The following SEPTIN4 variants were observed in gnomAD, a reference collection of about 807,000 sequenced individuals.
SEPTIN4 encodes septin-4.
In SEPTIN4, 52 loss-of-function variants were observed where a neutral mutation model predicts 107.1. That is an observed-to-expected ratio of 0.49 (90% CI 0.39 to 0.61). The LOEUF is 0.61. Ranked by LOEUF, SEPTIN4 falls within the 20% of genes least tolerant of loss-of-function variation. SEPTIN4 has a pLI of 0.00. For missense variants in SEPTIN4, 1,048 were observed against 1,243.5 expected (o/e 0.84, Z 2.36); for synonymous variants, 417 against 467.0 (o/e 0.89, Z 1.38).
rs1473766828 is a variant in SEPTIN4, at chr17:58,543,267, G to A, written c.920C>T (p.Pro307Leu). Residue 307 changes from proline (P) to leucine (L), a missense_variant, in exon 1 of 14, where the codon CCC becomes CTC. Transcript: ENST00000672673. ...TGATGATACTAAGACCTTTGCGGAG[G>A]GCTTGGTTTCAGGATAGGCAGAATA... ...HKYSAYPETK[P>L]SAKVLVSSQV... is the part of the protein sequence containing the mutation. The A allele has an allele frequency of 6.2e-7, 1 of 1,614,128 alleles. No individual in the cohort carries two copies. The highest frequency in any genetic ancestry group is 1.7e-5 in the Admixed American group (1 of 60,018).
At chr17:58,525,462 G>A (rs2042746204) in intron 6 of SEPTIN4, 1 of 609,976 alleles carries the variant, frequency 1.6e-6, no homozygotes, top group Admixed American at 3.0e-5. Context: ...GAATCCTTGG[G>A]GGTCAGAGAC....
Position 58,543,682 on chromosome 17 carries a change from G to T in SEPTIN4, c.505C>A (p.Gln169Lys), listed in dbSNP as rs1479957836. Residue 169 changes from glutamine to lysine, a missense_variant, in exon 1 of 14, where the codon CAA becomes AAA. Transcript: ENST00000672673. The stretch of plus-strand genomic sequence containing the variant: ...GGGTCATCTTCTAAGATTTGTGATT[G>T]TAAGTTATTCTTCTGGTCTTGAAAA... ...LSFQDQKNNL[Q>K]SQILEDDPPS... 1.9e-6 allele frequency: 3 copies of T among 1,614,204 alleles called. No homozygotes were observed. Among genetic ancestry groups the T allele is most frequent in the South Asian group, 2.2e-5 (2 of 91,086 alleles).
chr17:58,540,735 C>A (rs867655231), intron 2 of SEPTIN4, 62 bp from the exon 3 acceptor site: 2 of 1,301,988 alleles, frequency 1.5e-6, no homozygotes, highest in Admixed American at 4.1e-5. Flanking sequence ...TCAGAGAGTG[C>A]CAATAGGAGG....
Position 58,521,794 on chromosome 17 carries a change from G to A in SEPTIN4, c.2411C>T (p.Pro804Leu), listed in dbSNP as rs1426244275. ...KALHQRVNIV[P>L]ILAKADTLTP... ...CAGTGTGTCTGCCTTAGCCAGGATA[G>A]GCACGATGTTGACCCGCTGATGCAG... The change falls in exon 9 of 14, where the codon CCT becomes CTT. Residue 804 changes from proline to leucine, a missense_variant. Coordinates refer to ENST00000672673, the MANE Select transcript of SEPTIN4 (RefSeq NM_001368771.2). The surrounding 1 kb of genome is among the most constrained non-coding windows in gnomAD (Gnocchi z 6.4). The A allele has an allele frequency of 6.2e-7, 1 of 1,614,222 alleles. No homozygotes were observed. Among genetic ancestry groups the A allele is most frequent in the Admixed American group, 1.7e-5 (1 of 60,030 alleles).
intron 3 of SEPTIN4, chr17:58,529,533 T>C: frequency 1.5e-6 from 1 of 676,306 alleles, no homozygotes; most frequent in Middle Eastern, 7.5e-4. Context: ...CCAATGTCTG[T>C]TTGCAGCCAG....
Position 58,540,660 on chromosome 17 carries a change from T to C in SEPTIN4, c.1614+6A>G. ...ACTGGGAGTAACCTCCCAGGGGCAT[T>C]CTTACCTCCTCATCTGTCATAACAG... On this transcript the variant is annotated splice_donor_region_variant and intron_variant, in intron 3 of 13. Coordinates refer to ENST00000672673, the MANE Select transcript of SEPTIN4 (RefSeq NM_001368771.2). The C allele has an allele frequency of 7.3e-7, 1 of 1,361,796 alleles. No individual in the cohort carries two copies. The highest frequency in any genetic ancestry group is 9.4e-7 in the Non-Finnish European group (1 of 1,063,112). 84.4% of individuals were successfully genotyped at this position (1,361,796 alleles called of 1,614,324 possible).
In SEPTIN4 at chr17:58,526,670, T is replaced by A; in HGVS notation, c.1911+12A>T. 6.4e-7 allele frequency: 1 copy of A among 1,551,278 alleles called. No homozygotes were observed. Among genetic ancestry groups the A allele is most frequent in the South Asian group, 1.3e-5 (1 of 79,580 alleles). On this transcript the variant is annotated intron_variant, in intron 4 of 13. Coordinates refer to ENST00000672673, the MANE Select transcript of SEPTIN4 (RefSeq NM_001368771.2). ...GCCCACTGAAAGGCAAAGGCAGGGC[T>A]GGAGGCTCTACCTCAGAGGAATCAT...
chr17:58,525,299 ATCCACACT>A (rs1245322460), intron 6 of SEPTIN4, 98 bp from the exon 7 acceptor site: 1 of 1,450,252 alleles, frequency 6.9e-7, no homozygotes, highest in Non-Finnish European at 9.4e-7. Context: ...AGACTGCCTA[ATCCACACT>A]GCCCCCTTCT....
chr17:58,524,417 C>T (rs2042602168), intron 7 of SEPTIN4, among the ~76,000 whole-genome samples: 1 of 152,132 alleles, frequency 6.6e-6, no homozygotes, highest in African/African-American at 2.4e-5. Flanking sequence ...CCATACATGC[C>T]CAGCCCTTCA....
chr17:58,542,073 G>A (rs2043894116), intron 1 of SEPTIN4, 107 bp from the exon 2 acceptor site: 6 of 1,339,880 alleles, frequency 4.5e-6, no homozygotes, highest in East Asian at 2.4e-5. Context: ...CCACTCAAAG[G>A]TGCCCTCAGC....
Position 58,544,015 on chromosome 17 carries a change from G to T in SEPTIN4, c.172C>A (p.Pro58Thr), listed in dbSNP as rs756395843. ...PSHRRSEAAH[P>T]TTPHSASDYP... ...TCTGATGCTGAATGGGGAGTGGTGG[G>T]ATGTGCAGCTTCTGATCTTCGGTGG... Residue 58 changes from proline to threonine, a missense_variant, in exon 1 of 14, where the codon CCC (proline) becomes ACC (threonine). Transcript: ENST00000672673. 1 of 1,613,984 alleles carries T rather than the reference G, an allele frequency of 6.2e-7. No individual in the cohort carries two copies. The highest frequency in any genetic ancestry group is 1.3e-5 in the African/African-American group (1 of 74,902).
chr17:58,520,759 C>A lies in SEPTIN4; in HGVS notation c.2915G>T (p.Arg972Leu). 1 of 1,614,148 alleles carries A rather than the reference C, an allele frequency of 6.2e-7. No homozygotes were observed. The highest frequency in any genetic ancestry group is 8.5e-7 in the Non-Finnish European group (1 of 1,180,040). Residue 972 changes from arginine (R) to leucine (L), a missense_variant, in exon 13 of 14, where the codon CGA becomes CTA. By Grantham distance (102) the Arg-to-Leu change is moderately radical. Around this residue, in one of 2 missense-constraint regions of SEPTIN4, gnomAD observed 261 missense variants for 371.7 expected, o/e 0.70. Coordinates refer to ENST00000672673, the MANE Select transcript of SEPTIN4 (RefSeq NM_001368771.2). ...TGCTCTCACCTCCTCATCTTTCTCTCGGATAAGCTTCTCAGTTTCTGGATC... is the reference window on the plus strand; with the variant it reads ...TGCTCTCACCTCCTCATCTTTCTCTAGGATAAGCTTCTCAGTTTCTGGATC... ...GTDPETEKLI[R>L]EKDEELRRMQ... is the part of the protein sequence containing the mutation.
intron 7 of SEPTIN4, chr17:58,524,700 G>T (rs553219681): frequency 1.9e-4 from 31 of 167,344 alleles, no homozygotes; most frequent in Non-Finnish European, 3.1e-4. Context: ...CCCAGTAGCT[G>T]AGACTACAGG....
At chr17:58,532,257 A>G in intron 3 of SEPTIN4, 1 of 266,258 alleles carries the variant, frequency 3.8e-6, no homozygotes, top group Non-Finnish European at 6.1e-6. Flanking sequence ...CAGAGCGGGG[A>G]GCCTCAGCTC....
At chr17:58,527,069 G>A in intron 3 of SEPTIN4, 91 bp from the exon 4 acceptor site, 1 of 1,598,524 alleles carries the variant, frequency 6.3e-7, no homozygotes, top group Non-Finnish European at 8.5e-7. Context: ...GACAGGAGAA[G>A]GCAAGAGGGA....
In SEPTIN4 at chr17:58,521,890, A is replaced by C. The variant is rs1567951025; in HGVS notation, c.2352-37T>G. On this transcript the variant is annotated intron_variant, in intron 8 of 13. Coordinates refer to ENST00000672673, the MANE Select transcript of SEPTIN4 (RefSeq NM_001368771.2). The surrounding 1 kb of genome is among the most constrained non-coding windows in gnomAD (Gnocchi z 6.4). ...GAACCTGTGACCACCTGCTAGTGGC[A>C]GCCCTGCCCCTGGTGCTCTTGGCCT... The C allele has an allele frequency of 1.2e-6, 2 of 1,614,210 alleles. No homozygotes were observed. Among genetic ancestry groups the C allele is most frequent in the Non-Finnish European group, 1.7e-6 (2 of 1,180,004 alleles).
chr17:58,544,107 G>A lies in SEPTIN4; in HGVS notation c.80C>T (p.Pro27Leu). The A allele has an allele frequency of 6.2e-7, 1 of 1,614,172 alleles. No individual in the cohort carries two copies. The highest frequency in any genetic ancestry group is 8.5e-7 in the Non-Finnish European group (1 of 1,180,022). The change falls in exon 1 of 14, where the codon CCT becomes CTT. Residue 27 changes from proline to leucine, a missense_variant. Pro to Leu is a moderately conservative substitution (Grantham distance 98). Transcript: ENST00000672673. ...AAGAACGTACCCATGTCCCTGCTGA[G>A]GGGATGTGTTAGTAGTAACCTCAGA... ...RGSEVTTNTS[P>L]QQGHGYVLAS...
rs1326427107 is a variant in SEPTIN4 at position 58,525,094 on chromosome 17, C to T, written c.2200G>A (p.Val734Ile). 1 of 1,614,214 alleles carries T rather than the reference C, an allele frequency of 6.2e-7. No individual in the cohort carries two copies. The highest frequency in any genetic ancestry group is 8.5e-7 in the Non-Finnish European group (1 of 1,180,030). The change falls in exon 7 of 14, where the codon GTC (valine) becomes ATC (isoleucine). Residue 734 changes from valine to isoleucine, a missense_variant. Physicochemically the swap from Val to Ile is conservative, Grantham distance 29 (BLOSUM62 3). Transcript: ENST00000672673. ...CAGACATACCACTCTGTGTTGTTGA[C>T]TGCATCCCCAAAACCTGGTGTGTCC... ...IVDTPGFGDA[V>I]NNTECWKPVA... is the part of the protein sequence containing the mutation.
At chr17:58,522,388 G>C (rs552993796) in intron 7 of SEPTIN4, among the ~76,000 whole-genome samples, 1 of 152,166 alleles carries the variant, frequency 6.6e-6, no homozygotes, top group East Asian at 1.9e-4. Flanking sequence ...GGCTGGGCAC[G>C]GTGGCTTACC....
Sources: allele counts gnomAD v4.1 joint callset (sites outside exome capture counted in the v4.1 genomes callset), GRCh38; gene constraint gnomAD v4.1.1; regional missense constraint gnomAD v4.1.1; non-coding constraint Gnocchi (gnomAD v3.1); transcripts MANE v1.5; gene names NCBI Gene and HGNC (gene_info 2026-07-23, HGNC 2026-07-21).